Variants in CNOT1 observed in about 807,000 individuals in gnomAD.
CNOT1 encodes CCR4-associated factor 1.
A neutral mutation model predicts 273.8 loss-of-function variants in CNOT1; 15 were observed. The observed-to-expected ratio is 0.05, with a 90% CI of 0.04 to 0.08. The LOEUF is 0.08. Ranked by LOEUF, CNOT1 falls within the 10% of genes least tolerant of loss-of-function variation. The pLI is 1.00. For synonymous variants in CNOT1, 1,022 were observed against 1,005.5 expected (o/e 1.02, Z -0.31); for missense variants, 1,644 against 2,912.2 (o/e 0.56, Z 10.02).
At chr16:58,605,249 T>C (rs2042631855) in intron 1 of CNOT1, among the ~76,000 whole-genome samples, 1 of 152,142 alleles carries the variant, frequency 6.6e-6, no homozygotes, top group Non-Finnish European at 1.5e-5. Context: ...CCACCTGTAA[T>C]CCCAGCACTT....
At chr16:58,542,679 T>A (rs1024219602) in intron 31 of CNOT1, 111 bp from the exon 32 acceptor site, 91 of 1,451,598 alleles carry the variant, frequency 6.3e-5, no homozygotes, top group Admixed American at 5.6e-4. Flanking sequence ...AAATGCATTT[T>A]AAGTTCTGAC....
chr16:58,582,934 C>T (rs1442632822), intron 9 of CNOT1, 31 bp from the exon 10 acceptor site: 1 of 1,613,308 alleles, frequency 6.2e-7, no homozygotes, highest in South Asian at 1.1e-5. Context: ...TTAAACAAAC[C>T]CAACTACTCC....
chr16:58,556,903 T>G lies in CNOT1; in HGVS notation c.2423A>C (p.Lys808Thr). Residue 808 changes from lysine to threonine, a missense_variant, in exon 19 of 49, where the codon AAA (lysine) becomes ACA (threonine). Physicochemically the swap from Lys to Thr is moderately conservative, Grantham distance 78. Coordinates refer to ENST00000317147, the MANE Select transcript of CNOT1 (RefSeq NM_016284.5). ...AVNNDPFVQR[K>T]LGTSGLNQPT... Reference sequence around the variant, plus strand: ...CTGATTCAGTCCAGAGGTGCCCAGTTTCCTCTGTACAAAAGGGTCGTTATT... The same window carrying G: ...CTGATTCAGTCCAGAGGTGCCCAGTGTCCTCTGTACAAAAGGGTCGTTATT... The G allele has an allele frequency of 1.2e-6, 2 of 1,614,164 alleles. No individual in the cohort carries two copies. The highest frequency in any genetic ancestry group is 1.7e-6 in the Non-Finnish European group (2 of 1,180,030).
intron 25 of CNOT1, among the ~76,000 whole-genome samples, chr16:58,549,423 T>C (rs1184809272): frequency 1.3e-5 from 2 of 151,840 alleles, no homozygotes; most frequent in South Asian, 2.1e-4. Flanking sequence ...ATACAGAATA[T>C]GCTAACCAAT....
At chr16:58,564,098 T>G (rs2040952937) in intron 16 of CNOT1, among the ~76,000 whole-genome samples, 1 of 152,166 alleles carries the variant, frequency 6.6e-6, no homozygotes, top group Admixed American at 6.5e-5. Flanking sequence ...AGAAGCAAGT[T>G]GCATATTATC....
At chr16:58,543,281 CT>C (rs1372266937) in intron 31 of CNOT1, 1 of 1,546,158 alleles carries the variant, frequency 6.5e-7, no homozygotes. Context: ...TCTCAAACAG[CT>C]TTCATCCTTC....
intron 2 of CNOT1, chr16:58,598,978 G>A (rs55827936): frequency 0.32 from 100,372 of 312,636 alleles, 20,298 homozygotes; most frequent in Non-Finnish European, 0.43. Context: ...TTGAAACCAG[G>A]AGGCAGAGGA....
chr16:58,543,424 A>C (rs78936377), intron 31 of CNOT1, 183 bp downstream of exon 31: 57 of 1,466,086 alleles, frequency 3.9e-5, no homozygotes, highest in Admixed American at 1.9e-4. Flanking sequence ...AAAAAAAAAA[A>C]CACACAGACA....
chr16:58,609,095 CA>C (rs1464492957), intron 1 of CNOT1, among the ~76,000 whole-genome samples: 4 of 152,162 alleles, frequency 2.6e-5, no homozygotes, highest in African/African-American at 9.7e-5. Context: ...ACTTACTCGC[CA>C]GGGGCAGTGG....
intron 1 of CNOT1, among the ~76,000 whole-genome samples, chr16:58,618,034 C>T (rs2043156687): frequency 6.6e-6 from 1 of 152,120 alleles, no homozygotes; most frequent in South Asian, 2.1e-4. Context: ...ATTGACTTTC[C>T]ACATTAACAC....
chr16:58,603,500 C>T (rs1046914138), intron 1 of CNOT1, among the ~76,000 whole-genome samples: 2 of 151,316 alleles, frequency 1.3e-5, no homozygotes, highest in African/African-American at 4.9e-5. Flanking sequence ...TCAAAACCCT[C>T]CGCTGACTCA....
intron 35 of CNOT1, among the ~76,000 whole-genome samples, chr16:58,539,233 T>C (rs1369928434): frequency 6.6e-5 from 10 of 151,960 alleles, no homozygotes; most frequent in Non-Finnish European, 1.5e-5. Flanking sequence ...GTGGCTCATG[T>C]CTATAATCCT....
chr16:58,556,950 A>G lies in CNOT1; in HGVS notation c.2376T>C (p.Gly792=). The change falls in exon 19 of 49, where the codon GGT becomes GGC. Residue 792 remains glycine (G), a synonymous_variant. Coordinates refer to ENST00000317147, the MANE Select transcript of CNOT1 (RefSeq NM_016284.5). ...GTGSLTGIGT[G]ALGLPAVNND... ...TATTCACTGCAGGGAGTCCAAGAGC[A>G]CCAGTTCCTATACCAGTCAGGCTGC... 1 of 1,614,166 alleles carries G rather than the reference A, an allele frequency of 6.2e-7. No individual in the cohort carries two copies. The highest frequency in any genetic ancestry group is 1.3e-5 in the African/African-American group (1 of 75,068).
intron 16 of CNOT1, among the ~76,000 whole-genome samples, chr16:58,566,001 G>C (rs1217038794): frequency 6.6e-6 from 1 of 151,468 alleles, no homozygotes; most frequent in Non-Finnish European, 1.5e-5. Context: ...GAGTTTGTCT[G>C]ATGTTCTAAA....
intron 16 of CNOT1, among the ~76,000 whole-genome samples, chr16:58,571,164 T>C (rs1327175731): frequency 6.6e-6 from 1 of 152,168 alleles, no homozygotes; most frequent in African/African-American, 2.4e-5. Flanking sequence ...AAGAGAACTA[T>C]AATGGTTATA....
intron 11 of CNOT1, 112 bp from the exon 12 acceptor site, chr16:58,580,872 CG>C (rs1470603837): frequency 2.1e-5 from 22 of 1,035,744 alleles, no homozygotes; most frequent in Non-Finnish European, 2.4e-5. Context: ...GGCAATTTCC[CG>C]TTTAAAATCT....
intron 38 of CNOT1, among the ~76,000 whole-genome samples, chr16:58,537,490 T>A (rs2039962801): frequency 6.6e-6 from 1 of 152,244 alleles, no homozygotes. Flanking sequence ...CGACAAATAT[T>A]CACTGTTTGC....
In CNOT1 at chr16:58,588,966, G is replaced by A. The variant is rs79349898; in HGVS notation, c.103-60C>T. ...AAGATAAAACAAAAAAAAAAAGTAA[G>A]GTTTCAAAAAAGAAAATCAACCTCC... On this transcript the variant is annotated intron_variant, in intron 2 of 48. Coordinates refer to ENST00000317147, the MANE Select transcript of CNOT1 (RefSeq NM_016284.5). 0.047 allele frequency: 69,123 copies of A among 1,482,080 alleles called. 1,790 individuals are homozygous for A. The highest frequency in any genetic ancestry group is 0.073 in the South Asian group (5,492 of 75,026). The allele number at this position is 1,482,080 out of a possible 1,614,324, so 91.8% of individuals were successfully genotyped here.
chr16:58,551,350 T>G (rs1395174521), intron 23 of CNOT1, 78 bp from the exon 24 acceptor site: 4 of 1,414,196 alleles, frequency 2.8e-6, no homozygotes, highest in Non-Finnish European at 3.8e-6. Context: ...TGTATACAGA[T>G]TTAGTGTTAA....
Sources: allele counts gnomAD v4.1 joint callset (sites outside exome capture counted in the v4.1 genomes callset), GRCh38; gene constraint gnomAD v4.1.1; transcripts MANE v1.5; gene names NCBI Gene and HGNC (gene_info 2026-07-23, HGNC 2026-07-21).